Variants in ABHD3 observed in about 807,000 individuals in gnomAD.
ABHD3 encodes abhydrolase domain containing 3, phospholipase.
Under a neutral mutation model 48.8 loss-of-function variants are expected in ABHD3, and 46 were observed. That is an observed-to-expected ratio of 0.94 (90% CI 0.74 to 1.20). ABHD3 has a LOEUF of 1.20. ABHD3 is among the 50% of genes most tolerant of loss of function. ABHD3 has a pLI of 0.00. For missense variants in ABHD3, 490 were observed against 497.8 expected (o/e 0.98, Z 0.15); for synonymous variants, 192 against 183.7 (o/e 1.04, Z -0.36).
chr18:21,672,424 G>C lies in ABHD3; in HGVS notation c.556-8194C>G, dbSNP rs184601237. ...AAAGTGAAATCTGAAAAAGACACAC[G>C]AATGCCTGGTAAAAAAATCATTTAC... is the stretch of plus-strand genomic sequence containing the variant. On this transcript the variant is annotated intron_variant, in intron 4 of 8. Transcript: ENST00000289119. 2.9e-3 allele frequency among the ~76,000 whole-genome samples: 438 copies of C among 152,260 alleles called. 2 individuals carry two copies. Among genetic ancestry groups the C allele is most frequent in the Non-Finnish European group, 5.2e-3 (356 of 68,018 alleles).
At position 21,664,194 on chromosome 18, in the gene ABHD3, A is replaced by T; in HGVS notation, c.592T>A (p.Leu198Met). Residue 198 changes from leucine (L) to methionine (M), a missense_variant, in exon 5 of 9, where the codon TTG (leucine) becomes ATG (methionine). Physicochemically the swap from Leu to Met is conservative, Grantham distance 15. Coordinates refer to ENST00000289119, the MANE Select transcript of ABHD3 (RefSeq NM_138340.5). ...RTYCCANTED[L>M]ETVIHHVHSL... ...TGTACATGGTGAATAACTGTCTCCA[A>T]GTCTTCAGTGTTAGCACAACAATAA... is the stretch of plus-strand genomic sequence containing the variant. The T allele has an allele frequency of 1.2e-6, 2 of 1,614,112 alleles. No individual in the cohort carries two copies. Among genetic ancestry groups the T allele is most frequent in the Non-Finnish European group, 1.7e-6 (2 of 1,180,002 alleles).
intron 5 of ABHD3, among the ~76,000 whole-genome samples, chr18:21,660,008 T>A (rs1356191536): frequency 1.4e-5 from 2 of 142,520 alleles, no homozygotes; most frequent in African/African-American, 5.2e-5. Context: ...GTAGCCCAGG[T>A]TGGAGTGCAG....
At chr18:21,701,176 T>C (rs990344612) in intron 3 of ABHD3, 2 of 151,984 alleles carry the variant, frequency 1.3e-5, no homozygotes, top group South Asian at 2.1e-4. Flanking sequence ...CATGGAATTT[T>C]CCCCTTTACA....
At chr18:21,676,721 T>G (rs2039892234) in intron 4 of ABHD3, among the ~76,000 whole-genome samples, 1 of 152,200 alleles carries the variant, frequency 6.6e-6, no homozygotes, top group African/African-American at 2.4e-5. Context: ...TCTCAGCTCC[T>G]TATCTTGTCT....
intron 3 of ABHD3, among the ~76,000 whole-genome samples, chr18:21,699,551 CTAT>C (rs1356420316): frequency 6.6e-6 from 1 of 152,166 alleles, no homozygotes; most frequent in African/African-American, 2.4e-5. Flanking sequence ...GAAGCTCTTC[CTAT>C]CAAGAGGCAG....
At chr18:21,700,627 T>C (rs1304732657) in intron 3 of ABHD3, among the ~76,000 whole-genome samples, 1 of 150,472 alleles carries the variant, frequency 6.6e-6, no homozygotes, top group South Asian at 2.1e-4. Context: ...CTTGAACTCC[T>C]GACCTCAAGT....
chr18:21,678,110 A>G (rs1447836465), intron 4 of ABHD3, among the ~76,000 whole-genome samples: 1 of 152,054 alleles, frequency 6.6e-6, no homozygotes, highest in Non-Finnish European at 1.5e-5. Context: ...GGCACATGCC[A>G]CCACACTTGG....
intron 7 of ABHD3, 30 bp from the exon 8 acceptor site, chr18:21,657,056 C>T: frequency 6.2e-7 from 1 of 1,613,942 alleles, no homozygotes; most frequent in Non-Finnish European, 8.5e-7. Flanking sequence ...TATATCTAGT[C>T]TTGCCCAAAA....
chr18:21,651,809 G>C, intron 8 of ABHD3, 46 bp from the exon 9 acceptor site: 397 of 1,369,776 alleles, frequency 2.9e-4, no homozygotes, highest in Non-Finnish European at 3.6e-4. Flanking sequence ...GAAGGAGAGA[G>C]AAAAATATAA....
intron 4 of ABHD3, among the ~76,000 whole-genome samples, chr18:21,675,281 T>C (rs2039853713): frequency 6.8e-6 from 1 of 146,648 alleles, no homozygotes. Context: ...TTTTTTTTTT[T>C]TTTTTGAGAC....
At chr18:21,679,215 G>C (rs2039953846) in intron 4 of ABHD3, among the ~76,000 whole-genome samples, 1 of 152,162 alleles carries the variant, frequency 6.6e-6, no homozygotes, top group South Asian at 2.1e-4. Context: ...AAACATCAGA[G>C]TTCCTCTAGT....
intron 2 of ABHD3, 146 bp downstream of exon 2, chr18:21,703,438 G>A (rs2040560236): frequency 2.0e-6 from 2 of 981,694 alleles, no homozygotes; most frequent in African/African-American, 1.6e-5. Flanking sequence ...GGTGGAGCCG[G>A]GGACGTACCT....
chr18:21,700,735 GAC>G (rs1411711190), intron 3 of ABHD3, among the ~76,000 whole-genome samples: 2 of 149,082 alleles, frequency 1.3e-5, no homozygotes, highest in East Asian at 4.0e-4. Context: ...AGTCTTGAGA[GAC>G]AGCTCAGGCC....
chr18:21,671,917 G>A (rs779087517), intron 4 of ABHD3, among the ~76,000 whole-genome samples: 8 of 152,112 alleles, frequency 5.3e-5, no homozygotes, highest in Non-Finnish European at 1.0e-4. Context: ...GATTACAGGC[G>A]TGAGCCACCA....
At chr18:21,701,176 TC>T (rs1568166812) in intron 3 of ABHD3, 1 of 151,984 alleles carries the variant, frequency 6.6e-6, no homozygotes, top group Non-Finnish European at 1.5e-5. Context: ...CATGGAATTT[TC>T]CCCTTTACAT....
intron 3 of ABHD3, among the ~76,000 whole-genome samples, chr18:21,697,115 G>A (rs113760453): frequency 0.089 from 12,548 of 141,644 alleles, 1,819 homozygotes; most frequent in African/African-American, 0.31. Flanking sequence ...TCACTCTGTC[G>A]CCCTGGCTGG....
intron 4 of ABHD3, among the ~76,000 whole-genome samples, chr18:21,667,355 C>A (rs1199292704): frequency 3.3e-5 from 5 of 149,718 alleles, no homozygotes; most frequent in Non-Finnish European, 5.9e-5. Context: ...AACAATTCTC[C>A]TGCCTCAGCC....
chr18:21,690,316 G>T (rs2040218784), intron 3 of ABHD3, among the ~76,000 whole-genome samples: 1 of 152,020 alleles, frequency 6.6e-6, no homozygotes, highest in Non-Finnish European at 1.5e-5. Flanking sequence ...CAACATACAT[G>T]TAATTGTGGG....
intron 8 of ABHD3, among the ~76,000 whole-genome samples, chr18:21,652,514 T>C (rs2039247682): frequency 6.6e-6 from 1 of 152,070 alleles, no homozygotes; most frequent in South Asian, 2.1e-4. Flanking sequence ...TGGTGGCTCA[T>C]GCCTGTAATC....
Sources: gnomAD v4.1 joint callset for allele counts (sites outside exome capture counted in the v4.1 genomes callset) on GRCh38, gnomAD v4.1.1 for gene constraint, MANE v1.5 for transcripts, NCBI Gene and HGNC (gene_info 2026-07-23, HGNC 2026-07-21) for gene names.